The following BAAT variants were observed in gnomAD, a reference collection of about 807,000 sequenced individuals.
The protein encoded by BAAT is bile acid CoA: amino acid N-acyltransferase (glycine N-choloyltransferase).
In BAAT, 13 loss-of-function variants were observed where a neutral mutation model predicts 18.9. The ratio of observed to expected loss-of-function variants is 0.69; its 90% confidence interval spans 0.45 to 1.10. The LOEUF (loss-of-function observed/expected upper bound fraction) is 1.10. Ranked by LOEUF, BAAT falls within the 50% of genes least tolerant of loss-of-function variation. The pLI, the probability that BAAT is intolerant of heterozygous loss-of-function variation, is 0.00. For missense variants in BAAT, 489 were observed against 504.0 expected (o/e 0.97, Z 0.28); for synonymous variants, 170 against 190.7 (o/e 0.89, Z 0.89).
Position 101,361,903 on chromosome 9 carries a change from C to T in BAAT, c.*525G>A, listed in dbSNP as rs1032686170. ...TAATTTATTGCAATGAACTAACTGA[C>T]CTCCTCCATTCCTTCTTTCCTTTTT... On this transcript the variant is annotated 3_prime_UTR_variant, in exon 4 of 4. Coordinates refer to ENST00000259407, the MANE Select transcript of BAAT (RefSeq NM_001701.4). The T allele has an allele frequency of 6.0e-6, 1 of 165,382 alleles. No individual in the cohort carries two copies. The highest frequency in any genetic ancestry group is 1.3e-5 in the Non-Finnish European group (1 of 75,718). The allele number at this position is 165,382 out of a possible 1,614,324, so 10.2% of individuals were successfully genotyped here. A position where few individuals can be genotyped will look rare whatever the true frequency, so the allele number is the denominator to read the frequency against.
rs180899839 is a variant in BAAT at position 101,365,692 on chromosome 9, C to A, written c.669+2428G>T. ...GGAACTACAGGCGCCCGCCACCACACCTGGCTAATTTTTGTATTTTTAGTA... is the reference window on the plus strand; with the variant it reads ...GGAACTACAGGCGCCCGCCACCACAACTGGCTAATTTTTGTATTTTTAGTA... On this transcript the variant is annotated intron_variant, in intron 3 of 3. Transcript: ENST00000259407. Among the ~76,000 whole-genome samples, 109 of 152,104 alleles carry A rather than the reference C, an allele frequency of 7.2e-4. No individual in the cohort carries two copies. In the East Asian group the frequency reaches 0.013, roughly 18 times the overall value.
chr9:101,374,006 T>G (rs1829999586), intron 1 of BAAT, among the ~76,000 whole-genome samples: 1 of 152,234 alleles, frequency 6.6e-6, no homozygotes, highest in Admixed American at 6.5e-5. Flanking sequence ...GCTCATAAAT[T>G]TTAACTTTTC....
intron 1 of BAAT, among the ~76,000 whole-genome samples, chr9:101,384,314 G>C (rs1468550225): frequency 2.6e-5 from 4 of 152,104 alleles, no homozygotes; most frequent in African/African-American, 9.7e-5. Context: ...ATGAGAAAAA[G>C]TCTTAAACAG....
intron 2 of BAAT, 114 bp from the exon 3 acceptor site, chr9:101,368,436 A>T: frequency 1.0e-6 from 1 of 974,238 alleles, no homozygotes; most frequent in Non-Finnish European, 1.5e-6. Flanking sequence ...TAAAATAAAT[A>T]AATAAAAGAT....
At chr9:101,382,638 G>A (rs1298579865) in intron 1 of BAAT, among the ~76,000 whole-genome samples, 1 of 152,070 alleles carries the variant, frequency 6.6e-6, no homozygotes, top group Non-Finnish European at 1.5e-5. Context: ...TCTGAAACTT[G>A]CCTTGGTCTC....
intron 1 of BAAT, among the ~76,000 whole-genome samples, chr9:101,372,526 T>C (rs951840308): frequency 6.6e-6 from 1 of 152,046 alleles, no homozygotes; most frequent in Non-Finnish European, 1.5e-5. Context: ...CCATCTCCTT[T>C]TGATTAGTGT....
At chr9:101,363,822 T>C (rs907774974) in intron 3 of BAAT, among the ~76,000 whole-genome samples, 1 of 152,182 alleles carries the variant, frequency 6.6e-6, no homozygotes, top group Non-Finnish European at 1.5e-5. Context: ...AAGCCAAGCC[T>C]GGTTAACATA....
At chr9:101,383,558 C>T (rs909086847) in intron 1 of BAAT, 8 of 152,166 alleles carry the variant, frequency 5.3e-5, no homozygotes, top group African/African-American at 1.9e-4. Context: ...GCCAAAACCT[C>T]AAATATGCCT....
chr9:101,360,585 G>C lies in BAAT; in HGVS notation c.*1843C>G, dbSNP rs1367492546. 1.3e-5 allele frequency: 2 copies of C among 152,302 alleles called. No individual in the cohort carries two copies. The highest frequency in any genetic ancestry group is 6.5e-5 in the Admixed American group (1 of 15,278). 9.4% of individuals were successfully genotyped at this position (152,302 alleles called of 1,614,324 possible). A position where few individuals can be genotyped will look rare whatever the true frequency, so the allele number is the denominator to read the frequency against. On this transcript the variant is annotated 3_prime_UTR_variant, in exon 4 of 4. Coordinates refer to ENST00000259407, the MANE Select transcript of BAAT (RefSeq NM_001701.4). Reference sequence around the variant, plus strand: ...ATGGCGAGAGAGGAGGCAAGAAAGAGTGTGAGGATGGGGAGGAGGTGCCAC... The same window carrying C: ...ATGGCGAGAGAGGAGGCAAGAAAGACTGTGAGGATGGGGAGGAGGTGCCAC...
chr9:101,361,701 T>G lies in BAAT; in HGVS notation c.*727A>C, dbSNP rs986859859. The G allele has an allele frequency of 2.0e-5, 3 of 152,712 alleles. No individual in the cohort carries two copies. Among genetic ancestry groups the G allele is most frequent in the African/African-American group, 4.8e-5 (2 of 41,458 alleles). 9.5% of individuals were successfully genotyped at this position (152,712 alleles called of 1,614,324 possible). ...TGTGTTTCTATTTTTATTTTTTACT[T>G]TTATTAATTTTATTTTTAATACAGA... On this transcript the variant is annotated 3_prime_UTR_variant, in exon 4 of 4. Transcript: ENST00000259407.
At chr9:101,381,389 T>TG (rs1260136140) in intron 1 of BAAT, among the ~76,000 whole-genome samples, 1 of 151,788 alleles carries the variant, frequency 6.6e-6, no homozygotes, top group African/African-American at 2.4e-5. Context: ...CTGGGTGTGG[T>TG]GGGGCAAACT....
intron 3 of BAAT, among the ~76,000 whole-genome samples, chr9:101,366,111 G>T (rs1829821984): frequency 6.6e-6 from 1 of 152,000 alleles, no homozygotes; most frequent in African/African-American, 2.4e-5. Context: ...TGTACCCTTT[G>T]ACCTACCTTT....
intron 1 of BAAT, among the ~76,000 whole-genome samples, chr9:101,379,391 G>A (rs1436881067): frequency 6.6e-6 from 1 of 152,142 alleles, no homozygotes; most frequent in Non-Finnish European, 1.5e-5. Context: ...GCAGCCTGAT[G>A]GCAAATCCCT....
intron 2 of BAAT, 105 bp from the exon 3 acceptor site, chr9:101,368,427 AAAAT>A (rs990440549): frequency 2.2e-5 from 22 of 1,001,674 alleles, no homozygotes; most frequent in Non-Finnish European, 3.1e-5. Context: ...AATAAAAGAT[AAAAT>A]AAATAAATAA....
At chr9:101,377,834 A>G (rs1830072306) in intron 1 of BAAT, among the ~76,000 whole-genome samples, 1 of 152,332 alleles carries the variant, frequency 6.6e-6, no homozygotes, top group Admixed American at 6.5e-5. Context: ...TGCAGATGAC[A>G]TGATTCTATA....
At chr9:101,372,904 C>T (rs1829978960) in intron 1 of BAAT, among the ~76,000 whole-genome samples, 1 of 152,102 alleles carries the variant, frequency 6.6e-6, no homozygotes, top group South Asian at 2.1e-4. Flanking sequence ...ACTGTAGCCA[C>T]AGAGTAAGTC....
At position 101,362,818 on chromosome 9, in the gene BAAT, G is replaced by A. The variant is rs922133754; in HGVS notation, c.867C>T (p.Ala289=). 1 of 1,613,982 alleles carries A rather than the reference G, an allele frequency of 6.2e-7. No homozygotes were observed. Among genetic ancestry groups the A allele is most frequent in the Non-Finnish European group, 8.5e-7 (1 of 1,180,010 alleles). ...PHSAQLISTN[A]LGLLELYRTF... ...TGCGATAGAGCTCTAGTAACCCCAA[G>A]GCATTGGTGGATATTAATTGTGCAG... Residue 289 remains alanine (A), a synonymous_variant, in exon 4 of 4, where the codon GCC becomes GCT. Transcript: ENST00000259407.
chr9:101,373,278 T>C (rs1404317475), intron 1 of BAAT, among the ~76,000 whole-genome samples: 2 of 152,138 alleles, frequency 1.3e-5, no homozygotes, highest in East Asian at 1.9e-4. Flanking sequence ...TTTGTCCCCA[T>C]AGCCATAAAA....
chr9:101,374,304 G>GA (rs1830003189), intron 1 of BAAT, among the ~76,000 whole-genome samples: 2 of 151,986 alleles, frequency 1.3e-5, no homozygotes, highest in Non-Finnish European at 2.9e-5. Flanking sequence ...TCTCCTCCAA[G>GA]GCCCTATCAG....
Sources: gnomAD v4.1 joint callset for allele counts (sites outside exome capture counted in the v4.1 genomes callset) on GRCh38, gnomAD v4.1.1 for gene constraint, MANE v1.5 for transcripts, NCBI Gene and HGNC (gene_info 2026-07-23, HGNC 2026-07-21) for gene names.